The following SLC39A12 variants were observed in gnomAD, a reference collection of about 807,000 sequenced individuals.
The protein encoded by SLC39A12 is solute carrier family 39 member 12.
A neutral mutation model predicts 71.1 loss-of-function variants in SLC39A12; 63 were observed. The observed-to-expected ratio is 0.89, with a 90% confidence interval of 0.72 to 1.09. SLC39A12 has a LOEUF of 1.09. SLC39A12 is among the 50% of genes least tolerant of loss of function. SLC39A12 has a pLI of 0.00. For missense variants in SLC39A12, 892 were observed against 812.6 expected (o/e 1.10, Z -1.19); for synonymous variants, 351 against 301.3 (o/e 1.16, Z -1.71).
intron 12 of SLC39A12, among the ~76,000 whole-genome samples, chr10:18,011,543 G>A (rs976528220): frequency 6.6e-6 from 1 of 152,220 alleles, no homozygotes; most frequent in African/African-American, 2.4e-5. Context: ...AGTTTTGGGA[G>A]AGTCAAAAGT....
At chr10:18,019,359 T>C (rs1487295285) in intron 12 of SLC39A12, among the ~76,000 whole-genome samples, 1 of 152,050 alleles carries the variant, frequency 6.6e-6, no homozygotes, top group Non-Finnish European at 1.5e-5. Flanking sequence ...CTTTGTCGAA[T>C]TTCTGTATTG....
At chr10:18,006,568 CAG>C (rs759730784) in intron 12 of SLC39A12, among the ~76,000 whole-genome samples, 4 of 152,174 alleles carry the variant, frequency 2.6e-5, no homozygotes, top group Non-Finnish European at 5.9e-5. Context: ...CAAACTGAAA[CAG>C]AGAAGGAAGA....
chr10:17,994,300 C>T (rs546982887), intron 9 of SLC39A12, among the ~76,000 whole-genome samples: 72 of 152,204 alleles, frequency 4.7e-4, no homozygotes, highest in South Asian at 2.1e-3. Flanking sequence ...CACTAATATA[C>T]GCATAATTCC....
At chr10:17,995,852 T>C (rs989835675) in intron 10 of SLC39A12, 130 bp downstream of exon 10, 30 of 686,692 alleles carry the variant, frequency 4.4e-5, no homozygotes, top group Admixed American at 1.7e-4. Context: ...AACTTTGCAA[T>C]AGGATTTGTA....
chr10:17,953,405 G>T lies in SLC39A12; in HGVS notation c.129G>T (p.Pro43=). The change falls in exon 2 of 13, where the codon CCG becomes CCT. Residue 43 remains proline (P), a synonymous_variant. Coordinates refer to ENST00000377369, the MANE Select transcript of SLC39A12 (RefSeq NM_001145195.2). ...GAAGCCGTGGGAGTTCAGGCCAACC[G>T]GCAGACCTGCTACAGGTTCTCTCTG... The part of the protein sequence containing the change: ...DSRSRGSSGQ[P]ADLLQVLSAG... The T allele has an allele frequency of 1.2e-6, 2 of 1,614,078 alleles. No individual in the cohort carries two copies. The highest frequency in any genetic ancestry group is 2.2e-5 in the South Asian group (2 of 91,072).
intron 2 of SLC39A12, among the ~76,000 whole-genome samples, chr10:17,954,543 G>A (rs558204942): frequency 1.2e-4 from 19 of 152,170 alleles, no homozygotes; most frequent in East Asian, 7.8e-4. Flanking sequence ...TGTGAGCCAC[G>A]GCGCCCGGCC....
intron 6 of SLC39A12, among the ~76,000 whole-genome samples, chr10:17,985,400 AG>A (rs1350648089): frequency 1.3e-5 from 2 of 152,166 alleles, no homozygotes; most frequent in African/African-American, 4.8e-5. Flanking sequence ...GAAAAATGCA[AG>A]TATGATGAGA....
chr10:18,038,294 T>C (rs1051267980), intron 12 of SLC39A12, among the ~76,000 whole-genome samples: 5 of 152,098 alleles, frequency 3.3e-5, no homozygotes, highest in Non-Finnish European at 5.9e-5. Context: ...TTCAATTCAA[T>C]AGGTATTAAA....
At chr10:17,967,532 T>A (rs1208472483) in intron 4 of SLC39A12, among the ~76,000 whole-genome samples, 1 of 152,192 alleles carries the variant, frequency 6.6e-6, no homozygotes, top group Middle Eastern at 3.2e-3. Flanking sequence ...TTGACAGTTT[T>A]TAAAATAATA....
chr10:18,041,709 ATATACATATG>A (rs1190704231), intron 12 of SLC39A12, among the ~76,000 whole-genome samples: 1 of 105,294 alleles, frequency 9.5e-6, no homozygotes, highest in African/African-American at 4.0e-5. Context: ...ATATATATGT[ATATACATATG>A]TATATATGTG....
chr10:17,998,081 C>G (rs1008481814), intron 10 of SLC39A12, among the ~76,000 whole-genome samples: 1 of 152,306 alleles, frequency 6.6e-6, no homozygotes, highest in Non-Finnish European at 1.5e-5. Flanking sequence ...TCACTGCAAC[C>G]TCTGCCTCCT....
chr10:17,993,341 T>C, intron 9 of SLC39A12, 50 bp downstream of exon 9: 1 of 1,223,236 alleles, frequency 8.2e-7, no homozygotes, highest in South Asian at 1.3e-5. Flanking sequence ...CTTCTCTCCT[T>C]TATTCCTCAA....
chr10:18,042,674 A>G, intron 12 of SLC39A12, 31 bp from the exon 13 acceptor site: 1 of 1,594,356 alleles, frequency 6.3e-7, no homozygotes, highest in Non-Finnish European at 8.5e-7. Context: ...ATATATCTGG[A>G]TCTTATTCTG....
intron 9 of SLC39A12, among the ~76,000 whole-genome samples, chr10:17,995,371 C>G (rs995863105): frequency 8.5e-5 from 13 of 152,146 alleles, no homozygotes; most frequent in African/African-American, 2.9e-4. Context: ...ACATAATTTA[C>G]GAGTCTGAAT....
Position 17,987,577 on chromosome 10 carries a change from C to A in SLC39A12, c.1195C>A (p.Leu399Ile). 6.2e-7 allele frequency: 1 copy of A among 1,614,104 alleles called. No homozygotes were observed. The highest frequency in any genetic ancestry group is 8.5e-7 in the Non-Finnish European group (1 of 1,180,018). Residue 399 changes from leucine to isoleucine, a missense_variant, in exon 7 of 13, where the codon CTT (leucine) becomes ATT (isoleucine). Leu to Ile is a conservative substitution (Grantham distance 5). Coordinates refer to ENST00000377369, the MANE Select transcript of SLC39A12 (RefSeq NM_001145195.2). ...LFHSCEENYR[L>I]ILQLFVGLAV... Reference sequence around the variant, plus strand: ...CCATAGCTGTGAGGAGAACTACAGGCTTATCTTACAGCTGTTTGTGGGCTT... The same window carrying A: ...CCATAGCTGTGAGGAGAACTACAGGATTATCTTACAGCTGTTTGTGGGCTT...
intron 12 of SLC39A12, among the ~76,000 whole-genome samples, chr10:18,025,032 A>G (rs942799862): frequency 5.3e-5 from 8 of 152,052 alleles, no homozygotes; most frequent in African/African-American, 1.7e-4. Flanking sequence ...TTCTTGATCC[A>G]CTGTTATAAT....
rs1837305362 is a variant in SLC39A12, at chr10:18,043,118, A to G, written c.*285A>G. ...TTCTGCATGAATTTTAGTAAACTTT[A>G]AAAAATAGATTTTTTCCCTAAGAAA... On this transcript the variant is annotated 3_prime_UTR_variant, in exon 13 of 13. Coordinates refer to ENST00000377369, the MANE Select transcript of SLC39A12 (RefSeq NM_001145195.2). 5.7e-6 allele frequency: 1 copy of G among 175,802 alleles called. No individual in the cohort carries two copies. The highest frequency in any genetic ancestry group is 1.2e-5 in the Non-Finnish European group (1 of 84,088). 10.9% of individuals were successfully genotyped at this position (175,802 alleles called of 1,614,324 possible).
At chr10:18,007,786 C>T (rs546313648) in intron 12 of SLC39A12, among the ~76,000 whole-genome samples, 11 of 152,232 alleles carry the variant, frequency 7.2e-5, no homozygotes, top group African/African-American at 2.4e-4. Flanking sequence ...CTCTCATTGC[C>T]GTTTTGGTTT....
At chr10:17,961,488 G>A (rs1351826466) in intron 2 of SLC39A12, 93 bp from the exon 3 acceptor site, 2 of 1,223,098 alleles carry the variant, frequency 1.6e-6, no homozygotes, top group Non-Finnish European at 1.1e-6. Context: ...TTTATAAAAT[G>A]ATAAGCAATG....
Sources: allele counts gnomAD v4.1 joint callset (sites outside exome capture counted in the v4.1 genomes callset), GRCh38; gene constraint gnomAD v4.1.1; transcripts MANE v1.5; gene names NCBI Gene and HGNC (gene_info 2026-07-23, HGNC 2026-07-21).